The following SYN3 variants were observed in gnomAD, a reference collection of about 807,000 sequenced individuals.
SYN3 encodes the protein synapsin-3.
Under a neutral mutation model 65.8 loss-of-function variants are expected in SYN3, and 35 were observed. The observed-to-expected ratio is 0.53, with a 90% CI of 0.41 to 0.70. SYN3 has a LOEUF of 0.70. SYN3 is among the 30% of genes least tolerant of loss of function. The pLI is 0.00. For synonymous variants in SYN3, 270 were observed against 292.9 expected (o/e 0.92, Z 0.80); for missense variants, 680 against 749.0 (o/e 0.91, Z 1.08).
chr22:32,872,015 C>T (rs1464333045), intron 4 of SYN3, among the ~76,000 whole-genome samples: 1 of 152,108 alleles, frequency 6.6e-6, no homozygotes, highest in African/African-American at 2.4e-5. Flanking sequence ...TCCCTAGATG[C>T]TCTTCTCCCA....
At position 33,054,214 on chromosome 22, in the gene SYN3, T is replaced by C. The variant is rs557296229; in HGVS notation, c.-163+4078A>G. 4.6e-5 allele frequency among the ~76,000 whole-genome samples: 7 copies of C among 152,304 alleles called. No individual in the cohort carries two copies. In the South Asian group the frequency reaches 1.5e-3, roughly 32 times the overall value. ...TAAGTGCTGACAACTGCCATATTTATATCTCCAGCCCAGACTCCCCTCCTC... is the reference window on the plus strand; with the variant it reads ...TAAGTGCTGACAACTGCCATATTTACATCTCCAGCCCAGACTCCCCTCCTC... On this transcript the variant is annotated intron_variant, in intron 1 of 13. Transcript: ENST00000358763.
intron 6 of SYN3, among the ~76,000 whole-genome samples, chr22:32,777,507 C>T (rs748669985): frequency 3.9e-5 from 6 of 152,164 alleles, no homozygotes; most frequent in Non-Finnish European, 5.9e-5. Flanking sequence ...TGTCAGAGCC[C>T]CAGATGCCAA....
Position 32,556,823 on chromosome 22 carries a change from T to G in SYN3, c.775-15110A>C, listed in dbSNP as rs2058508322. ...TTCCTGGTTTTTTTTTTTTTTTTTT[T>G]TTTTTTTTTTTTGTGTGTAGAGATG... On this transcript the variant is annotated intron_variant, in intron 7 of 13. Transcript: ENST00000358763. Among the ~76,000 whole-genome samples the G allele has an allele frequency of 6.3e-5, 7 of 111,916 alleles. 1 individual carries two copies. The highest frequency in any genetic ancestry group is 1.9e-4 in the Admixed American group (2 of 10,402). The allele number at this position is 111,916 out of a possible 152,430, so 73.4% of individuals were successfully genotyped here.
At chr22:32,654,971 A>C (rs1222201962) in intron 6 of SYN3, among the ~76,000 whole-genome samples, 2 of 152,220 alleles carry the variant, frequency 1.3e-5, no homozygotes, top group African/African-American at 4.8e-5. Flanking sequence ...TTTTCCCCTA[A>C]GCTACAGGGC....
chr22:32,794,779 G>A (rs2046392942), intron 6 of SYN3, among the ~76,000 whole-genome samples: 1 of 152,210 alleles, frequency 6.6e-6, no homozygotes, highest in Non-Finnish European at 1.5e-5. Context: ...CTGGGGCAGA[G>A]AGAGGACCGG....
chr22:32,935,818 C>A (rs2050760966), intron 3 of SYN3, among the ~76,000 whole-genome samples: 1 of 152,156 alleles, frequency 6.6e-6, no homozygotes, highest in African/African-American at 2.4e-5. Context: ...CTCAGAGAGA[C>A]TACATTCACA....
chr22:33,015,047 C>T lies in SYN3; in HGVS notation c.-162-8223G>A, dbSNP rs1017295213. The T allele has an allele frequency of 4.6e-5, 8 of 172,836 alleles. 1 individual carries two copies. Among genetic ancestry groups the T allele is most frequent in the East Asian group, 3.7e-4 (2 of 5,348 alleles). 10.7% of individuals were successfully genotyped at this position (172,836 alleles called of 1,614,324 possible). On this transcript the variant is annotated intron_variant, in intron 1 of 13. Coordinates refer to ENST00000358763, the MANE Select transcript of SYN3 (RefSeq NM_003490.4). ...AATCTGCTGTATCTTGATGAAACCC[C>T]GTCTCTACTAAAAGTACAAAAAAAT...
At chr22:32,814,096 C>T (rs1740479201) in intron 6 of SYN3, among the ~76,000 whole-genome samples, 2 of 135,484 alleles carry the variant, frequency 1.5e-5, no homozygotes, top group African/African-American at 5.6e-5. Context: ...CCAGCCTTTC[C>T]AGGCAATACT....
At chr22:32,592,316 C>T (rs2059138896) in intron 7 of SYN3, among the ~76,000 whole-genome samples, 1 of 152,204 alleles carries the variant, frequency 6.6e-6, no homozygotes, top group Admixed American at 6.5e-5. Flanking sequence ...CATCCAAATG[C>T]CTCCTGCCCG....
chr22:32,830,952 T>C (rs1277107823), intron 6 of SYN3, among the ~76,000 whole-genome samples: 2 of 152,066 alleles, frequency 1.3e-5, no homozygotes, highest in African/African-American at 4.8e-5. Flanking sequence ...AAAAAATGTG[T>C]GTTTTTTTTT....
chr22:32,569,030 A>G (rs1328614683), intron 7 of SYN3, among the ~76,000 whole-genome samples: 4 of 152,182 alleles, frequency 2.6e-5, no homozygotes. Flanking sequence ...TGCAGGCAGC[A>G]CAATGCAAGT....
At chr22:32,948,803 T>C (rs1421336855) in intron 3 of SYN3, among the ~76,000 whole-genome samples, 1 of 151,756 alleles carries the variant, frequency 6.6e-6, no homozygotes, top group Non-Finnish European at 1.5e-5. Context: ...TTCATGTTCG[T>C]TGAGCTTCTT....
chr22:32,550,875 A>G (rs2058404186), intron 7 of SYN3, among the ~76,000 whole-genome samples: 1 of 152,190 alleles, frequency 6.6e-6, no homozygotes, highest in East Asian at 1.9e-4. Flanking sequence ...GAAAGCTACC[A>G]TGTCAAGAAG....
intron 3 of SYN3, among the ~76,000 whole-genome samples, chr22:32,979,049 T>C (rs2052294548): frequency 6.6e-6 from 1 of 151,542 alleles, no homozygotes; most frequent in Non-Finnish European, 1.5e-5. Context: ...ATAAAAAAAT[T>C]AGCCGGGCAT....
At chr22:32,992,693 G>A (rs2052755212) in intron 2 of SYN3, among the ~76,000 whole-genome samples, 1 of 152,146 alleles carries the variant, frequency 6.6e-6, no homozygotes, top group Non-Finnish European at 1.5e-5. Context: ...TGTGCCTGTA[G>A]TCCCAGCTAC....
chr22:32,926,351 T>A (rs1327279506), intron 4 of SYN3, among the ~76,000 whole-genome samples: 1 of 152,242 alleles, frequency 6.6e-6, no homozygotes, highest in Non-Finnish European at 1.5e-5. Flanking sequence ...TTTAGCATTA[T>A]TCTCCTAATC....
chr22:32,984,499 C>T (rs972348967), intron 2 of SYN3, among the ~76,000 whole-genome samples: 40 of 152,162 alleles, frequency 2.6e-4, no homozygotes, highest in African/African-American at 9.4e-4. Flanking sequence ...TTGGCCACCC[C>T]TTGGAAAATG....
At chr22:32,636,109 AT>A (rs1191000268) in intron 6 of SYN3, among the ~76,000 whole-genome samples, 3 of 152,276 alleles carry the variant, frequency 2.0e-5, no homozygotes, top group African/African-American at 7.2e-5. Context: ...CTGTTAGAAA[AT>A]CAGAACCACG....
chr22:32,953,608 G>A (rs1569353315), intron 3 of SYN3, among the ~76,000 whole-genome samples: 1 of 152,052 alleles, frequency 6.6e-6, no homozygotes, highest in African/African-American at 2.4e-5. Flanking sequence ...AGAATTCAAG[G>A]AACAGCAAGA....
Sources: gnomAD v4.1 joint callset for allele counts (sites outside exome capture counted in the v4.1 genomes callset) on GRCh38, gnomAD v4.1.1 for gene constraint, MANE v1.5 for transcripts, NCBI Gene and HGNC (gene_info 2026-07-23, HGNC 2026-07-21) for gene names.